CDH18: variants seen among roughly 807,000 people sequenced by gnomAD.
CDH18 encodes the protein cadherin 18.
A neutral mutation model predicts 67.9 loss-of-function variants in CDH18; 31 were observed. The ratio of observed to expected loss-of-function variants is 0.46; its 90% CI spans 0.34 to 0.62. The LOEUF is 0.62. Ranked by LOEUF, CDH18 falls within the 20% of genes least tolerant of loss-of-function variation. CDH18 has a pLI of 0.01. For missense variants in CDH18, 890 were observed against 975.5 expected (o/e 0.91, Z 1.17); for synonymous variants, 362 against 347.2 (o/e 1.04, Z -0.48).
intron 1 of CDH18, among the ~76,000 whole-genome samples, chr5:20,307,278 GA>G (rs1047997173): frequency 1.3e-5 from 2 of 151,172 alleles, no homozygotes; most frequent in African/African-American, 4.9e-5. Context: ...GACACCAATA[GA>G]TTTTTTTTTT....
At chr5:20,175,537 T>C (rs567995904) in intron 2 of CDH18, among the ~76,000 whole-genome samples, 2 of 152,260 alleles carry the variant, frequency 1.3e-5, no homozygotes, top group African/African-American at 2.4e-5. Flanking sequence ...CTAGTAGCAT[T>C]GCCAGTCTTT....
intron 1 of CDH18, among the ~76,000 whole-genome samples, chr5:20,539,751 C>CAA (rs1427493262): frequency 9.4e-4 from 121 of 129,102 alleles, no homozygotes; most frequent in Middle Eastern, 3.8e-3. Context: ...CACACACACA[C>CAA]ACACAAACAC....
chr5:20,318,931 G>A (rs1412604356), intron 1 of CDH18, among the ~76,000 whole-genome samples: 2 of 152,106 alleles, frequency 1.3e-5, no homozygotes, highest in African/African-American at 4.8e-5. Flanking sequence ...CAGATTTTCT[G>A]TCTATTTCCT....
At chr5:20,490,497 G>C (rs1305087469) in intron 1 of CDH18, among the ~76,000 whole-genome samples, 1 of 152,030 alleles carries the variant, frequency 6.6e-6, no homozygotes, top group African/African-American at 2.4e-5. Flanking sequence ...GCTTCATTAG[G>C]TGAGTGATCA....
chr5:19,578,691 T>A (rs1005842155), intron 7 of CDH18, among the ~76,000 whole-genome samples: 6 of 152,046 alleles, frequency 3.9e-5, no homozygotes, highest in African/African-American at 1.4e-4. Context: ...CTTTGATATG[T>A]TTAGAATTAC....
intron 2 of CDH18, among the ~76,000 whole-genome samples, chr5:20,133,476 G>A (rs1027004688): frequency 3.3e-5 from 5 of 152,140 alleles, no homozygotes; most frequent in Non-Finnish European, 7.4e-5. Flanking sequence ...GACAGGTGGA[G>A]ATTATGGGAG....
At chr5:20,561,965 G>C (rs1192180802) in intron 1 of CDH18, among the ~76,000 whole-genome samples, 2 of 151,712 alleles carry the variant, frequency 1.3e-5, no homozygotes, top group Admixed American at 6.6e-5. Context: ...ATTATGCTAA[G>C]AGCTGCCTCA....
intron 2 of CDH18, among the ~76,000 whole-genome samples, chr5:19,859,586 A>T (rs1003687685): frequency 1.3e-5 from 2 of 152,138 alleles, no homozygotes; most frequent in African/African-American, 4.8e-5. Context: ...CTGTATCCAC[A>T]ACTCATTATC....
intron 2 of CDH18, among the ~76,000 whole-genome samples, chr5:20,242,622 A>ATACATG (rs1743046943): frequency 6.5e-5 from 7 of 106,944 alleles, no homozygotes; most frequent in Non-Finnish European, 7.1e-5. Context: ...ATATATATAT[A>ATACATG]TATATATATA....
intron 4 of CDH18, among the ~76,000 whole-genome samples, chr5:19,735,026 A>T (rs1561180898): frequency 6.6e-6 from 1 of 152,166 alleles, no homozygotes; most frequent in Non-Finnish European, 1.5e-5. Context: ...CTCGGAGGCA[A>T]ATGCTGCTGA....
intron 1 of CDH18, among the ~76,000 whole-genome samples, chr5:20,510,213 T>A (rs1031865469): frequency 1.3e-5 from 2 of 152,160 alleles, no homozygotes; most frequent in East Asian, 3.9e-4. Flanking sequence ...TCTGTTTAGG[T>A]AATTTGCCTG....
intron 2 of CDH18, among the ~76,000 whole-genome samples, chr5:20,206,235 G>T (rs1443285257): frequency 6.6e-6 from 1 of 151,606 alleles, no homozygotes; most frequent in Non-Finnish European, 1.5e-5. Flanking sequence ...GGAAAACCTA[G>T]AAAAAAACTG....
intron 2 of CDH18, among the ~76,000 whole-genome samples, chr5:19,942,492 T>C (rs1456583341): frequency 1.3e-5 from 2 of 152,166 alleles, no homozygotes; most frequent in African/African-American, 4.8e-5. Context: ...TATAAAATAT[T>C]CAAATTTACC....
intron 9 of CDH18, among the ~76,000 whole-genome samples, chr5:19,523,959 G>T (rs768899993): frequency 5.3e-5 from 8 of 152,158 alleles, no homozygotes; most frequent in Non-Finnish European, 8.8e-5. Context: ...GAAACAAATT[G>T]TTGTTCTCAG....
intron 3 of CDH18, among the ~76,000 whole-genome samples, chr5:19,759,833 G>C (rs546462542): frequency 6.6e-6 from 1 of 152,098 alleles, no homozygotes; most frequent in Admixed American, 6.5e-5. Context: ...TTCTTCAAGG[G>C]GACCTCGCCT....
chr5:19,608,803 G>T (rs1327585316), intron 6 of CDH18, among the ~76,000 whole-genome samples: 1 of 151,706 alleles, frequency 6.6e-6, no homozygotes, highest in African/African-American at 2.4e-5. Flanking sequence ...ACTTGTGGCT[G>T]CAGTTGGTGC....
chr5:19,887,904 T>C (rs182338071), intron 2 of CDH18, among the ~76,000 whole-genome samples: 183 of 152,042 alleles, frequency 1.2e-3, no homozygotes, highest in African/African-American at 4.2e-3. Flanking sequence ...GAGACAAAGG[T>C]CATGGTTCAA....
At chr5:20,497,861 A>T (rs1424835928) in intron 1 of CDH18, among the ~76,000 whole-genome samples, 1 of 152,096 alleles carries the variant, frequency 6.6e-6, no homozygotes, top group African/African-American at 2.4e-5. Context: ...AAACCTAATC[A>T]CCAGTCTGAT....
chr5:19,503,027 G>A lies in CDH18; in HGVS notation c.1595C>T (p.Pro532Leu). 6.2e-7 allele frequency: 1 copy of A among 1,611,094 alleles called. No individual in the cohort carries two copies. Among genetic ancestry groups the A allele is most frequent in the East Asian group, 2.2e-5 (1 of 44,812 alleles). ...CTTCAGAGTGAAGTTTGGATTTACA[G>A]GCAGGCGTTCATCAAGAAAGAAGTT... ...RFNFFLDERL[P>L]VNPNFTLKDN... is the part of the protein sequence containing the mutation. Residue 532 changes from proline to leucine, a missense_variant, in exon 11 of 13, where the codon CCT becomes CTT. Around this residue, in one of 2 missense-constraint regions of CDH18, gnomAD observed 656 missense variants for 668.1 expected, o/e 0.98. Coordinates refer to ENST00000382275, the MANE Select transcript of CDH18 (RefSeq NM_004934.5).
Sources: gnomAD v4.1 joint callset for allele counts (sites outside exome capture counted in the v4.1 genomes callset) on GRCh38, gnomAD v4.1.1 for gene constraint, gnomAD v4.1.1 regional missense constraint, MANE v1.5 for transcripts, NCBI Gene and HGNC (gene_info 2026-07-23, HGNC 2026-07-21) for gene names.